MSRA: variants seen among roughly 807,000 people sequenced by gnomAD.
The protein encoded by MSRA is methionine sulfoxide reductase A.
MSRA carries 54 observed loss-of-function variants against 31.3 expected under a neutral mutation model. The observed-to-expected ratio is 1.73, with a 90% CI of 1.39 to 2.17. The LOEUF is 2.17. Among genes scored for constraint, MSRA ranks in the 30% most tolerant of loss-of-function variants. MSRA has a pLI of 0.00. For synonymous variants in MSRA, 169 were observed against 116.5 expected (o/e 1.45, Z -2.90); for missense variants, 507 against 300.9 (o/e 1.69, Z -5.07).
At chr8:10,146,907 A>G (rs1803191685) in intron 1 of MSRA, among the ~76,000 whole-genome samples, 1 of 152,116 alleles carries the variant, frequency 6.6e-6, no homozygotes, top group Non-Finnish European at 1.5e-5. Context: ...AGCCATTGGA[A>G]GTTTTAAAGT....
intron 3 of MSRA, among the ~76,000 whole-genome samples, chr8:10,250,078 A>C (rs1797838355): frequency 6.6e-6 from 1 of 152,150 alleles, no homozygotes; most frequent in Non-Finnish European, 1.5e-5. Flanking sequence ...CATTTGTTTT[A>C]AGAAGTTGGG....
chr8:10,151,600 A>G (rs553879536), intron 1 of MSRA, among the ~76,000 whole-genome samples: 10 of 152,330 alleles, frequency 6.6e-5, no homozygotes, highest in Admixed American at 5.9e-4. Context: ...CAGTGAGCCC[A>G]GATCGCGCCA....
chr8:10,284,748 G>A (rs889706861), intron 3 of MSRA, among the ~76,000 whole-genome samples: 1 of 152,082 alleles, frequency 6.6e-6, no homozygotes, highest in African/African-American at 2.4e-5. Flanking sequence ...TGGTGGCTGT[G>A]CCATGTAACC....
chr8:10,054,640 G>T lies in MSRA; in HGVS notation c.124G>T (p.Glu42Ter), dbSNP rs748921520. 3 of 1,571,458 alleles carry T rather than the reference G, an allele frequency of 1.9e-6. No homozygotes were observed. The highest frequency in any genetic ancestry group is 2.6e-6 in the Non-Finnish European group (3 of 1,159,858). Residue 42 changes from glutamate (E) to a stop codon, truncating the protein, a stop_gained, in exon 1 of 6, where the codon GAA becomes TAA. Transcript: ENST00000317173. LOFTEE classifies it high-confidence loss of function. ...CCAGGAGGCCTTGCCGGGCCGGAAG[G>T]AACAGACCCCTGTAGCGGGTAAGCA... Reference protein sequence around the residue: ...SPQEALPGRKEQTPVAAKHHV... With the variant: ...SPQEALPGRK
chr8:10,151,455 A>C (rs767940601), intron 1 of MSRA, among the ~76,000 whole-genome samples: 1 of 151,770 alleles, frequency 6.6e-6, no homozygotes, highest in Non-Finnish European at 1.5e-5. Flanking sequence ...CATCCTGGCT[A>C]ACATGGTGAA....
chr8:10,218,751 A>G (rs934341090), intron 2 of MSRA, among the ~76,000 whole-genome samples: 5 of 152,220 alleles, frequency 3.3e-5, no homozygotes, highest in Non-Finnish European at 5.9e-5. Context: ...GTCAAAAGCC[A>G]TTTAACAAGG....
intron 1 of MSRA, among the ~76,000 whole-genome samples, chr8:10,126,091 T>C (rs1432201397): frequency 6.6e-6 from 1 of 152,194 alleles, no homozygotes; most frequent in South Asian, 2.1e-4. Context: ...TTCATTCTCT[T>C]CTTGGAGGAC....
chr8:10,204,422 T>C (rs1296056618), intron 1 of MSRA, among the ~76,000 whole-genome samples: 2 of 152,232 alleles, frequency 1.3e-5, no homozygotes, highest in African/African-American at 4.8e-5. Context: ...GGTGTACCTT[T>C]TTTTTAAATC....
At chr8:10,374,999 C>G (rs1007895373) in intron 5 of MSRA, among the ~76,000 whole-genome samples, 4 of 152,222 alleles carry the variant, frequency 2.6e-5, no homozygotes, top group African/African-American at 9.6e-5. Flanking sequence ...CCTTTACCTT[C>G]TGCCATGATT....
intron 1 of MSRA, among the ~76,000 whole-genome samples, chr8:10,078,490 C>A (rs962563929): frequency 1.3e-5 from 2 of 152,252 alleles, no homozygotes; most frequent in African/African-American, 2.4e-5. Context: ...CCCTCAGGCA[C>A]CAGTGACCCC....
intron 2 of MSRA, among the ~76,000 whole-genome samples, chr8:10,242,480 T>C (rs1481617678): frequency 1.3e-5 from 2 of 152,154 alleles, no homozygotes; most frequent in African/African-American, 2.4e-5. Context: ...GATGGCAAAC[T>C]TCTGATTCTT....
intron 3 of MSRA, among the ~76,000 whole-genome samples, chr8:10,293,221 A>G (rs1800341293): frequency 6.6e-6 from 1 of 152,138 alleles, no homozygotes; most frequent in Non-Finnish European, 1.5e-5. Flanking sequence ...ATAGGATTGC[A>G]TCAGGGGTGC....
rs184710515 is a variant in MSRA, at chr8:10,327,646, C to T, written c.543+7657C>T. On this transcript the variant is annotated intron_variant, in intron 5 of 5. Transcript: ENST00000317173. Reference sequence around the variant, plus strand: ...GAAGACAGTGTCACTACCAAATAACCTACTTGGCTGGGCACGGTGGCTCAC... The same window carrying T: ...GAAGACAGTGTCACTACCAAATAACTTACTTGGCTGGGCACGGTGGCTCAC... Among the ~76,000 whole-genome samples, 6 of 152,126 alleles carry T rather than the reference C, an allele frequency of 3.9e-5. No individual in the cohort carries two copies. The East Asian group carries it at 9.7e-4, about 25-fold the overall frequency.
chr8:10,207,538 C>T (rs1809104988), intron 1 of MSRA, among the ~76,000 whole-genome samples: 2 of 152,314 alleles, frequency 1.3e-5, no homozygotes, highest in South Asian at 2.1e-4. Context: ...GGGACTCTGG[C>T]TGGGTGTCGG....
At position 10,339,833 on chromosome 8, in the gene MSRA, G is replaced by A. The variant is rs551145119; in HGVS notation, c.543+19844G>A. 4.0e-5 allele frequency among the ~76,000 whole-genome samples: 6 copies of A among 151,838 alleles called. No homozygotes were observed. In the South Asian group the frequency reaches 1.3e-3, roughly 32 times the overall value. On this transcript the variant is annotated intron_variant, in intron 5 of 5. Transcript: ENST00000317173. ...TGGGATTACAGGCGTGAGCCACCAC[G>A]CCCGGCAGCAAGGGGTTTTCAATAC...
In MSRA at chr8:10,061,520, A is replaced by T. The variant is rs74434193; in HGVS notation, c.142+6862A>T. On this transcript the variant is annotated intron_variant, in intron 1 of 5. Transcript: ENST00000317173. ...CGTTGCTAATTAGATGTCTTATTGC[A>T]CGGAACTCGCACAATCTGTCTCATC... Among the ~76,000 whole-genome samples the T allele has an allele frequency of 7.5e-3, 1,140 of 152,158 alleles. 13 individuals are homozygous for T. Among genetic ancestry groups the T allele is most frequent in the African/African-American group, 0.026 (1,081 of 41,508 alleles).
chr8:10,342,698 A>G (rs1803506353), intron 5 of MSRA, among the ~76,000 whole-genome samples: 1 of 152,196 alleles, frequency 6.6e-6, no homozygotes, highest in South Asian at 2.1e-4. Context: ...CAGACGAGGA[A>G]CCTGAGCCCC....
chr8:10,166,223 C>G (rs1585074445), intron 1 of MSRA, among the ~76,000 whole-genome samples: 1 of 152,050 alleles, frequency 6.6e-6, no homozygotes, highest in Non-Finnish European at 1.5e-5. Flanking sequence ...AGTTTTGGAG[C>G]TTTTGGTTTC....
chr8:10,206,112 AC>A (rs1808949868), intron 1 of MSRA, among the ~76,000 whole-genome samples: 1 of 152,060 alleles, frequency 6.6e-6, no homozygotes, highest in Non-Finnish European at 1.5e-5. Context: ...TTGGTTTCTG[AC>A]TTGTGATATG....
Sources: gnomAD v4.1 joint callset for allele counts (sites outside exome capture counted in the v4.1 genomes callset) on GRCh38, gnomAD v4.1.1 for gene constraint, MANE v1.5 for transcripts, NCBI Gene and HGNC (gene_info 2026-07-23, HGNC 2026-07-21) for gene names.